LRRTM4: variants seen among roughly 807,000 people sequenced by gnomAD.
LRRTM4 encodes the protein leucine-rich repeat transmembrane neuronal protein 4.
In LRRTM4, 25 loss-of-function variants were observed where a neutral mutation model predicts 47.6. The observed-to-expected ratio is 0.53, with a 90% confidence interval of 0.38 to 0.73. The LOEUF (loss-of-function observed/expected upper bound fraction) is 0.73, where lower values mean the gene tolerates loss of function less well. Ranked by LOEUF, LRRTM4 falls within the 30% of genes least tolerant of loss-of-function variation. The probability of loss-of-function intolerance (pLI) is 0.00; values close to 1 mark genes in which losing one functional copy is unlikely to be tolerated. For missense variants in LRRTM4, 638 were observed against 713.4 expected (o/e 0.89, Z 1.20); for synonymous variants, 311 against 269.5 (o/e 1.15, Z -1.51).
At chr2:77,003,674 T>C (rs567127511) in intron 3 of LRRTM4, among the ~76,000 whole-genome samples, 1 of 152,284 alleles carries the variant, frequency 6.6e-6, no homozygotes, top group East Asian at 1.9e-4. Flanking sequence ...TATGTCTTTA[T>C]TAGTAGTGTG....
intron 3 of LRRTM4, among the ~76,000 whole-genome samples, chr2:77,001,099 T>A (rs1291091404): frequency 6.6e-6 from 1 of 152,184 alleles, no homozygotes; most frequent in Non-Finnish European, 1.5e-5. Context: ...AAAGTTATCC[T>A]GCCTTGTTTT....
intron 3 of LRRTM4, among the ~76,000 whole-genome samples, chr2:77,017,268 A>G (rs1422485702): frequency 2.0e-5 from 3 of 152,212 alleles, no homozygotes; most frequent in Admixed American, 6.5e-5. Context: ...TAAGTAATGC[A>G]TATATTCTCT....
chr2:77,069,371 A>T, intron 3 of LRRTM4, among the ~76,000 whole-genome samples: 1 of 150,774 alleles, frequency 6.6e-6, no homozygotes, highest in African/African-American at 2.5e-5. Context: ...ACCTAGAAGT[A>T]CTGGGTCATA....
At chr2:76,856,995 CTCTT>C (rs1180447167) in intron 3 of LRRTM4, among the ~76,000 whole-genome samples, 4 of 151,910 alleles carry the variant, frequency 2.6e-5, no homozygotes, top group Non-Finnish European at 5.9e-5. Flanking sequence ...ATAAATTTCT[CTCTT>C]AATGTTCTAG....
At chr2:76,985,286 T>C (rs1282916324) in intron 3 of LRRTM4, among the ~76,000 whole-genome samples, 5 of 152,160 alleles carry the variant, frequency 3.3e-5, no homozygotes, top group African/African-American at 1.2e-4. Context: ...TCCCCACCTG[T>C]GAATTAAATG....
intron 3 of LRRTM4, among the ~76,000 whole-genome samples, chr2:77,480,487 G>A (rs910710007): frequency 2.0e-5 from 3 of 152,072 alleles, no homozygotes; most frequent in Admixed American, 6.5e-5. Context: ...CATCAGCCAG[G>A]GTTAATGTTG....
At chr2:76,846,519 C>G (rs1666062827) in intron 3 of LRRTM4, among the ~76,000 whole-genome samples, 1 of 151,924 alleles carries the variant, frequency 6.6e-6, no homozygotes, top group Non-Finnish European at 1.5e-5. Flanking sequence ...CAATATCTAC[C>G]CAAGTATCAT....
intron 3 of LRRTM4, among the ~76,000 whole-genome samples, chr2:76,806,929 T>C (rs1042240733): frequency 8.5e-5 from 13 of 152,200 alleles, no homozygotes; most frequent in African/African-American, 3.1e-4. Context: ...ACTTATAAAC[T>C]TATGGCCATA....
intron 3 of LRRTM4, among the ~76,000 whole-genome samples, chr2:76,961,405 GA>G (rs75719418): frequency 0.038 from 5,502 of 144,586 alleles, 176 homozygotes; most frequent in East Asian, 0.083. Flanking sequence ...ATACATCAAA[GA>G]AAAAAAAAAA....
At chr2:77,231,835 A>G (rs1476463407) in intron 3 of LRRTM4, among the ~76,000 whole-genome samples, 1 of 152,200 alleles carries the variant, frequency 6.6e-6, no homozygotes, top group Non-Finnish European at 1.5e-5. Flanking sequence ...AACGTTAGGT[A>G]TTCTGACTTA....
At chr2:76,871,181 T>A (rs918392105) in intron 3 of LRRTM4, among the ~76,000 whole-genome samples, 9 of 152,200 alleles carry the variant, frequency 5.9e-5, no homozygotes, top group African/African-American at 2.2e-4. Context: ...ATAGAGATGC[T>A]AAAATAGAAA....
At chr2:76,983,710 G>C (rs1359428424) in intron 3 of LRRTM4, among the ~76,000 whole-genome samples, 1 of 151,984 alleles carries the variant, frequency 6.6e-6, no homozygotes, top group Non-Finnish European at 1.5e-5. Flanking sequence ...ACATGAGATA[G>C]AGCAATCATA....
intron 3 of LRRTM4, among the ~76,000 whole-genome samples, chr2:77,124,233 G>A (rs745725332): frequency 2.6e-5 from 4 of 152,068 alleles, no homozygotes; most frequent in Non-Finnish European, 4.4e-5. Flanking sequence ...AAAAACATTA[G>A]GACGACGATG....
At chr2:77,249,434 C>A (rs986308764) in intron 3 of LRRTM4, among the ~76,000 whole-genome samples, 8 of 151,326 alleles carry the variant, frequency 5.3e-5, no homozygotes, top group Non-Finnish European at 1.0e-4. Context: ...AGCCACAAAC[C>A]GTAGGAAAAT....
intron 3 of LRRTM4, among the ~76,000 whole-genome samples, chr2:76,901,634 G>C (rs192547016): frequency 1.6e-4 from 24 of 152,256 alleles, no homozygotes; most frequent in Non-Finnish European, 2.2e-4. Context: ...TTGAGATCTA[G>C]AGAAAGATAT....
At chr2:76,797,281 A>G (rs10221734) in intron 3 of LRRTM4, among the ~76,000 whole-genome samples, 17,157 of 152,020 alleles carry the variant, frequency 0.11, 1,194 homozygotes, top group Non-Finnish European at 0.14. Flanking sequence ...CAGAAACCCT[A>G]CAAGCCAGAA....
chr2:77,399,800 A>T (rs1673867983), intron 3 of LRRTM4, among the ~76,000 whole-genome samples: 1 of 151,860 alleles, frequency 6.6e-6, no homozygotes, highest in Admixed American at 6.6e-5. Context: ...AACATAACAC[A>T]CACTAACTTT....
intron 3 of LRRTM4, among the ~76,000 whole-genome samples, chr2:77,103,386 C>T (rs1412079636): frequency 6.6e-6 from 1 of 152,010 alleles, no homozygotes. Flanking sequence ...TCTCTTTTGT[C>T]ATAAAAGATT....
At chr2:77,211,258 G>T (rs769206009) in intron 3 of LRRTM4, among the ~76,000 whole-genome samples, 1 of 152,164 alleles carries the variant, frequency 6.6e-6, no homozygotes, top group Admixed American at 6.5e-5. Flanking sequence ...TCCTGGAGGA[G>T]CTGGAAGGAC....
Sources: allele counts gnomAD v4.1 joint callset (sites outside exome capture counted in the v4.1 genomes callset), GRCh38; gene constraint gnomAD v4.1.1; transcripts MANE v1.5; gene names NCBI Gene and HGNC (gene_info 2026-07-23, HGNC 2026-07-21).